Variants in SLC38A8 observed in about 807,000 individuals in gnomAD.
SLC38A8 encodes amino acid transporter SLC38A8.
A neutral mutation model predicts 46.0 loss-of-function variants in SLC38A8; 65 were observed. That is an observed-to-expected ratio of 1.41 (90% CI 1.16 to 1.74). The LOEUF (loss-of-function observed/expected upper bound fraction) is 1.74, where lower values mean the gene tolerates loss of function less well. Among genes scored for constraint, SLC38A8 ranks in the 40% most tolerant of loss-of-function variants. The pLI is 0.00. For missense variants in SLC38A8, 998 were observed against 567.9 expected, an observed-to-expected ratio of 1.76 and a Z score of -7.70; for synonymous variants, 447 against 243.7, an observed-to-expected ratio of 1.83 and a Z score of -7.77.
chr16:84,038,170 G>C lies in SLC38A8; in HGVS notation c.190-1270C>G, dbSNP rs531901114. 1.5e-4 allele frequency among the ~76,000 whole-genome samples: 23 copies of C among 152,146 alleles called. No individual in the cohort carries two copies. In the South Asian group the frequency reaches 4.6e-3, roughly 30 times the overall value. ...TACTAAAAACACAAAAATTAGCCAG[G>C]CATGGTGGCACATGCCTGTAATTCC... On this transcript the variant is annotated intron_variant, in intron 2 of 10. Transcript: ENST00000299709.
chr16:84,022,740 C>G, intron 7 of SLC38A8, 35 bp downstream of exon 7: 1 of 1,554,240 alleles, frequency 6.4e-7, no homozygotes, highest in African/African-American at 1.4e-5. Context: ...CTGTCACTCC[C>G]CACCCTCTGC....
intron 2 of SLC38A8, among the ~76,000 whole-genome samples, chr16:84,039,583 A>G (rs560752595): frequency 1.3e-5 from 2 of 152,168 alleles, no homozygotes; most frequent in East Asian, 3.9e-4. Context: ...CATCTCTACT[A>G]AAATCACAAA....
At chr16:84,017,905 G>C (rs930058040) in intron 7 of SLC38A8, among the ~76,000 whole-genome samples, 2 of 152,156 alleles carry the variant, frequency 1.3e-5, no homozygotes, top group African/African-American at 2.4e-5. Context: ...AACATGTGGA[G>C]GTGATACTGA....
At chr16:84,009,949 A>C in intron 10 of SLC38A8, 72 bp from the exon 11 acceptor site, 1 of 1,369,846 alleles carries the variant, frequency 7.3e-7, no homozygotes, top group Non-Finnish European at 1.0e-6. Flanking sequence ...CACATAAAAA[A>C]TTCACTATGT....
intron 4 of SLC38A8, 114 bp downstream of exon 4, chr16:84,033,214 T>A (rs2085265013): frequency 1.4e-6 from 2 of 1,434,010 alleles, no homozygotes; most frequent in African/African-American, 1.4e-5. Flanking sequence ...CGTTTTCCCC[T>A]TCTCCAAATG....
chr16:84,038,345 C>T (rs2085325998), intron 2 of SLC38A8, among the ~76,000 whole-genome samples: 1 of 151,992 alleles, frequency 6.6e-6, no homozygotes, highest in Non-Finnish European at 1.5e-5. Context: ...AGGAAAGTTG[C>T]AAGAACGTTA....
intron 5 of SLC38A8, among the ~76,000 whole-genome samples, chr16:84,031,114 C>T (rs1440418429): frequency 6.6e-6 from 1 of 152,176 alleles, no homozygotes; most frequent in Non-Finnish European, 1.5e-5. Context: ...CATCTCGGCT[C>T]ACTGCAACCT....
At chr16:84,011,848 C>A (rs1044672065) in intron 10 of SLC38A8, among the ~76,000 whole-genome samples, 1 of 152,158 alleles carries the variant, frequency 6.6e-6, no homozygotes, top group African/African-American at 2.4e-5. Flanking sequence ...TACGCCACTG[C>A]ACTCCAGCCG....
In SLC38A8 at chr16:84,029,667, G is replaced by A. The variant is rs1442260496; in HGVS notation, c.633-116C>T. On this transcript the variant is annotated intron_variant, in intron 5 of 10. Coordinates refer to ENST00000299709, the MANE Select transcript of SLC38A8 (RefSeq NM_001080442.3). Reference sequence around the variant, plus strand: ...AAAATGTAACAGAGCATGGCTGCAAGATGTATTTTTAATGACTGTGTCCGT... The same window carrying A: ...AAAATGTAACAGAGCATGGCTGCAAAATGTATTTTTAATGACTGTGTCCGT... 3.2e-5 allele frequency: 33 copies of A among 1,038,254 alleles called. No homozygotes were observed. In the Middle Eastern group the frequency reaches 6.2e-4, roughly 19 times the overall value. The allele number at this position is 1,038,254 out of a possible 1,614,324, so 64.3% of individuals were successfully genotyped here. A position where few individuals can be genotyped will look rare whatever the true frequency, so the allele number is the denominator to read the frequency against.
At chr16:84,032,781 T>C (rs1371555121) in intron 4 of SLC38A8, among the ~76,000 whole-genome samples, 1 of 152,174 alleles carries the variant, frequency 6.6e-6, no homozygotes, top group Non-Finnish European at 1.5e-5. Context: ...GGATACTGTT[T>C]CCAAGCTTTA....
At chr16:84,019,351 A>C (rs1307300497) in intron 7 of SLC38A8, among the ~76,000 whole-genome samples, 1 of 152,098 alleles carries the variant, frequency 6.6e-6, no homozygotes, top group African/African-American at 2.4e-5. Flanking sequence ...TGGGATTACA[A>C]GCATGAGCCA....
intron 4 of SLC38A8, 29 bp downstream of exon 4, chr16:84,033,299 C>T: frequency 6.2e-7 from 1 of 1,613,476 alleles, no homozygotes; most frequent in Non-Finnish European, 8.5e-7. Context: ...AAGGTGGGGG[C>T]CCCCACCAGG....
chr16:84,026,603 G>A (rs1472171236), intron 6 of SLC38A8, among the ~76,000 whole-genome samples: 1 of 152,232 alleles, frequency 6.6e-6, no homozygotes, highest in Non-Finnish European at 1.5e-5. Context: ...GCAGTGGGCA[G>A]TTGCTCGGTG....
chr16:84,039,742 T>TC lies in SLC38A8; in HGVS notation c.189+2226dup, dbSNP rs201067738. ...CAGCCTGGGCAAGAGAGTGAGACCT[T>TC]CAAAAAAAAAAAAAAAAAAAAAAAA... On this transcript the variant is annotated intron_variant, in intron 2 of 10. Coordinates refer to ENST00000299709, the MANE Select transcript of SLC38A8 (RefSeq NM_001080442.3). Among the ~76,000 whole-genome samples, 84 of 27,544 alleles carry TC rather than the reference T, an allele frequency of 3.0e-3. 11 individuals are homozygous for TC. Among genetic ancestry groups the TC allele is most frequent in the South Asian group, 6.7e-3 (5 of 742 alleles). The allele number at this position is 27,544 out of a possible 152,430, so 18.1% of individuals were successfully genotyped here.
In SLC38A8 at chr16:84,013,044, G is replaced by A. The variant is rs551460024; in HGVS notation, c.1171C>T (p.Leu391Phe). Reference sequence around the variant, plus strand: ...GGCTCGACACCCATTGCACAGATGAGGCACAAACCTGCAAAAAAGACAGGG... The same window carrying A: ...GGCTCGACACCCATTGCACAGATGAAGCACAAACCTGCAAAAAAGACAGGG... ...FFIFIFPGLC[L>F]ICAMGVEPIG... The change falls in exon 10 of 11, where the codon CTC becomes TTC. Residue 391 changes from leucine (L) to phenylalanine (F), a missense_variant. By Grantham distance (22) the Leu-to-Phe change is conservative. Coordinates refer to ENST00000299709, the MANE Select transcript of SLC38A8 (RefSeq NM_001080442.3). 9 of 1,613,984 alleles carry A rather than the reference G, an allele frequency of 5.6e-6. No individual in the cohort carries two copies. The highest frequency in any genetic ancestry group is 6.8e-6 in the Non-Finnish European group (8 of 1,179,988).
chr16:84,036,638 A>G, intron 3 of SLC38A8, 64 bp downstream of exon 3: 5 of 1,580,652 alleles, frequency 3.2e-6, no homozygotes, highest in Non-Finnish European at 4.3e-6. Context: ...CTCAACTGGA[A>G]ACTCCAAGAG....
rs1479944247 is a variant in SLC38A8, at chr16:84,036,874, C to T, written c.216G>A (p.Gly72=). ...CAGCAGCATAGCCCAGGATGACCAGCCCGCTGATCAGGAAGACCAACGAGA... is the reference window on the plus strand; with the variant it reads ...CAGCAGCATAGCCCAGGATGACCAGTCCGCTGATCAGGAAGACCAACGAGA... ...ELVSLVFLIS[G]LVILGYAAAV... is the part of the protein sequence containing the mutation. The change falls in exon 3 of 11, where the codon GGG becomes GGA. Residue 72 remains glycine (G), a synonymous_variant. Transcript: ENST00000299709. 3.7e-6 allele frequency: 6 copies of T among 1,612,818 alleles called. No homozygotes were observed. Among genetic ancestry groups the T allele is most frequent in the African/African-American group, 1.3e-5 (1 of 74,914 alleles).
Position 84,017,134 on chromosome 16 carries a change from C to T in SLC38A8, c.953+6G>A. 1 of 1,613,864 alleles carries T rather than the reference C, an allele frequency of 6.2e-7. No homozygotes were observed. The highest frequency in any genetic ancestry group is 1.1e-5 in the South Asian group (1 of 91,050). On this transcript the variant is annotated splice_donor_region_variant and intron_variant, in intron 8 of 10. Transcript: ENST00000299709. ...TCACGGTGCCCCCCACTGAGCCAGGCCTCACCTCCCCAGGAAGAGCACGAT... is the reference window on the plus strand; with the variant it reads ...TCACGGTGCCCCCCACTGAGCCAGGTCTCACCTCCCCAGGAAGAGCACGAT...
At chr16:84,034,327 G>A (rs2085278391) in intron 3 of SLC38A8, among the ~76,000 whole-genome samples, 1 of 152,252 alleles carries the variant, frequency 6.6e-6, no homozygotes, top group African/African-American at 2.4e-5. Context: ...AGGGACACAA[G>A]CTCCACTAAC....
Sources: allele counts gnomAD v4.1 joint callset (sites outside exome capture counted in the v4.1 genomes callset), GRCh38; gene constraint gnomAD v4.1.1; transcripts MANE v1.5; gene names NCBI Gene and HGNC (gene_info 2026-07-23, HGNC 2026-07-21).